YES1: variants seen among roughly 807,000 people sequenced by gnomAD.
YES1 encodes tyrosine-protein kinase Yes.
A neutral mutation model predicts 70.4 loss-of-function variants in YES1; 39 were observed. That is an observed-to-expected ratio of 0.55 (90% CI 0.43 to 0.72). YES1 has a LOEUF of 0.72. YES1 is among the 30% of genes least tolerant of loss of function. The pLI, the probability that YES1 is intolerant of heterozygous loss-of-function variation, is 0.00. For missense variants in YES1, 495 were observed against 644.8 expected (o/e 0.77, Z 2.52); for synonymous variants, 198 against 218.6 (o/e 0.91, Z 0.83).
intron 4 of YES1, among the ~76,000 whole-genome samples, chr18:747,553 T>G (rs2080295034): frequency 6.6e-6 from 1 of 152,052 alleles, no homozygotes; most frequent in African/African-American, 2.4e-5. Flanking sequence ...CAACACACCC[T>G]CATATATAAG....
chr18:732,561 G>A (rs938258818), intron 11 of YES1, among the ~76,000 whole-genome samples: 1 of 151,962 alleles, frequency 6.6e-6, no homozygotes, highest in Non-Finnish European at 1.5e-5. Context: ...ACAGTAAGAG[G>A]CCCCTTTGGA....
chr18:765,295 T>TATAG (rs1568204815), intron 1 of YES1, among the ~76,000 whole-genome samples: 2 of 134,920 alleles, frequency 1.5e-5, no homozygotes, highest in African/African-American at 5.4e-5. Context: ...TATATATATC[T>TATAG]GTAGCAATTT....
chr18:803,073 TA>T (rs927613257), intron 1 of YES1, among the ~76,000 whole-genome samples: 8 of 147,548 alleles, frequency 5.4e-5, no homozygotes, highest in Non-Finnish European at 1.2e-4. Flanking sequence ...TTTTAAAAAT[TA>T]AAAAAAAAAT....
Position 736,951 on chromosome 18 carries a change from C to G in YES1, c.1148G>C (p.Gly383Ala). 6.2e-7 allele frequency: 1 copy of G among 1,605,684 alleles called. No individual in the cohort carries two copies. Among genetic ancestry groups the G allele is most frequent in the Non-Finnish European group, 8.5e-7 (1 of 1,178,766 alleles). Residue 383 changes from glycine to alanine, a missense_variant, in exon 10 of 12, where the codon GGT (glycine) becomes GCT (alanine). Gly to Ala is a moderately conservative substitution (Grantham distance 60). Transcript: ENST00000314574. ...LVDMAAQIADGMAYIERMNYI... is the reference protein window; with the variant it reads ...LVDMAAQIADAMAYIERMNYI... ...GTTCATTCTTTCAATATATGCCATA[C>G]CATCAGCAATCTTGGAAAGAGAAAA...
chr18:747,051 TG>T (rs1243494637), intron 4 of YES1, among the ~76,000 whole-genome samples: 4 of 152,232 alleles, frequency 2.6e-5, no homozygotes. Context: ...AGTGCTTAAA[TG>T]AAGACATTAA....
At chr18:765,918 A>G (rs1287802938) in intron 1 of YES1, among the ~76,000 whole-genome samples, 4 of 152,232 alleles carry the variant, frequency 2.6e-5, no homozygotes, top group African/African-American at 9.6e-5. Flanking sequence ...TTGAAGAATA[A>G]TAAGTGAGCC....
chr18:743,703 C>A (rs539931697), intron 6 of YES1, among the ~76,000 whole-genome samples: 1 of 151,898 alleles, frequency 6.6e-6, no homozygotes, highest in East Asian at 1.9e-4. Context: ...GTCAGGAGTT[C>A]GAGACTAGCC....
intron 11 of YES1, among the ~76,000 whole-genome samples, chr18:727,213 TTTA>T (rs1314556201): frequency 6.6e-6 from 1 of 152,170 alleles, no homozygotes; most frequent in Non-Finnish European, 1.5e-5. Context: ...AACTGACCCT[TTTA>T]TTATTATGAA....
At chr18:752,086 CT>C (rs2080351258) in intron 2 of YES1, among the ~76,000 whole-genome samples, 1 of 152,024 alleles carries the variant, frequency 6.6e-6, no homozygotes, top group African/African-American at 2.4e-5. Context: ...TTATAAAACT[CT>C]GTAGACTTGG....
chr18:801,127 C>A (rs1238494342), intron 1 of YES1, among the ~76,000 whole-genome samples: 3 of 151,962 alleles, frequency 2.0e-5, no homozygotes, highest in Non-Finnish European at 4.4e-5. Context: ...GCCTGGGCAA[C>A]AGAGCGAGAC....
At chr18:789,910 T>C (rs1010578910) in intron 1 of YES1, among the ~76,000 whole-genome samples, 14 of 151,360 alleles carry the variant, frequency 9.2e-5, no homozygotes, top group Non-Finnish European at 1.6e-4. Flanking sequence ...ATACAAAAAA[T>C]TAGCTAGGCA....
At chr18:751,631 A>T (rs1443279506) in intron 3 of YES1, 74 bp downstream of exon 3, 2 of 1,008,440 alleles carry the variant, frequency 2.0e-6, no homozygotes, top group South Asian at 2.7e-5. Context: ...TGGATCATCA[A>T]CCAGCTCAGT....
chr18:809,504 T>G (rs1940293), intron 1 of YES1, among the ~76,000 whole-genome samples: 1 of 151,970 alleles, frequency 6.6e-6, no homozygotes, highest in South Asian at 2.1e-4. Flanking sequence ...TTTCACCACG[T>G]TGGCCAGGCT....
At chr18:746,856 T>C (rs2080287025) in intron 4 of YES1, among the ~76,000 whole-genome samples, 1 of 152,198 alleles carries the variant, frequency 6.6e-6, no homozygotes, top group South Asian at 2.1e-4. Context: ...GGTTCCCCAA[T>C]GGCTAACATT....
chr18:781,054 G>A (rs1368414048), intron 1 of YES1, among the ~76,000 whole-genome samples: 2 of 152,074 alleles, frequency 1.3e-5, no homozygotes, highest in Non-Finnish European at 2.9e-5. Flanking sequence ...GATCACCTGA[G>A]GTCAGGAGTT....
intron 1 of YES1, among the ~76,000 whole-genome samples, chr18:804,377 G>A (rs1906977307): frequency 6.6e-6 from 1 of 152,174 alleles, no homozygotes; most frequent in Non-Finnish European, 1.5e-5. Context: ...GGAGGCCAAG[G>A]CAGGCAGATC....
At chr18:740,718 T>C (rs2080207477) in intron 8 of YES1, among the ~76,000 whole-genome samples, 1 of 152,192 alleles carries the variant, frequency 6.6e-6, no homozygotes, top group Non-Finnish European at 1.5e-5. Flanking sequence ...GAAAGGACTT[T>C]TGTTATCTTG....
intron 1 of YES1, among the ~76,000 whole-genome samples, chr18:790,141 C>G (rs1598937724): frequency 6.6e-6 from 1 of 152,122 alleles, no homozygotes; most frequent in South Asian, 2.1e-4. Flanking sequence ...TTTGGGAGAC[C>G]AAGGTGGGCG....
intron 4 of YES1, among the ~76,000 whole-genome samples, chr18:746,629 A>T (rs2080284353): frequency 6.6e-6 from 1 of 152,234 alleles, no homozygotes; most frequent in Non-Finnish European, 1.5e-5. Context: ...CACATTACAA[A>T]TCATTAATAA....
Sources: gnomAD v4.1 joint callset for allele counts (sites outside exome capture counted in the v4.1 genomes callset) on GRCh38, gnomAD v4.1.1 for gene constraint, MANE v1.5 for transcripts, NCBI Gene and HGNC (gene_info 2026-07-23, HGNC 2026-07-21) for gene names.